Variants in SPDYE21 observed in about 807,000 individuals in gnomAD.
SPDYE21 encodes speedy/RINGO cell cycle regulator family member E21, also known as speedy protein E21.
A neutral mutation model predicts 36.2 loss-of-function variants in SPDYE21; 14 were observed. That is an observed-to-expected ratio of 0.39 (90% CI 0.26 to 0.61). SPDYE21 has a LOEUF of 0.61. Among genes scored for constraint, SPDYE21 ranks in the 20% least tolerant of loss-of-function variants. SPDYE21 has a pLI of 0.55. For synonymous variants in SPDYE21, 58 were observed against 155.1 expected (o/e 0.37, Z 4.65); for missense variants, 233 against 424.6 (o/e 0.55, Z 3.97).
In SPDYE21 at chr7:67,278,141, T is replaced by C. The variant is rs1802570296; in HGVS notation, c.-422-151T>C. 3.1e-5 allele frequency among the ~76,000 whole-genome samples: 3 copies of C among 97,070 alleles called. 1 individual carries two copies. Among genetic ancestry groups the C allele is most frequent in the Admixed American group, 3.1e-4 (3 of 9,750 alleles). 63.7% of individuals were successfully genotyped at this position (97,070 alleles called of 152,430 possible). A position where few individuals can be genotyped will look rare whatever the true frequency, so the allele number is the denominator to read the frequency against. ...GATCTCTTGTACATGATAATCTCAC[T>C]CTTGCACATGATAATCTCACTCTTG... On this transcript the variant is annotated intron_variant, in intron 1 of 8. Coordinates refer to ENST00000424157, the MANE Select transcript of SPDYE21 (RefSeq NM_001382715.2).
At chr7:67,285,319 G>A (rs1195524362) in intron 6 of SPDYE21, among the ~76,000 whole-genome samples, 3 of 152,088 alleles carry the variant, frequency 2.0e-5, no homozygotes, top group Admixed American at 6.6e-5. Context: ...GGGCTCAAGC[G>A]ATCCTCCCAC....
Position 67,286,359 on chromosome 7 carries a change from C to G in SPDYE21, c.1071C>G (p.Val357=), listed in dbSNP as rs1802734585. 1.9e-6 allele frequency: 3 copies of G among 1,613,906 alleles called. No homozygotes were observed. The highest frequency in any genetic ancestry group is 1.1e-5 in the South Asian group (1 of 91,068). Reference sequence around the variant, plus strand: ...CCAGGAAGAACCGCTCTCAGATAGTCCTGTTCCAGAAACTTCGGTTCCAGT... The same window carrying G: ...CCAGGAAGAACCGCTCTCAGATAGTGCTGTTCCAGAAACTTCGGTTCCAGT... ...PRARKNRSQI[V]LFQKLRFQFF... Residue 357 remains valine, a synonymous_variant, in exon 7 of 9, where the codon GTC becomes GTG. Coordinates refer to ENST00000424157, the MANE Select transcript of SPDYE21 (RefSeq NM_001382715.2).
At chr7:67,280,691 C>CA (rs1180256690) in intron 3 of SPDYE21, among the ~76,000 whole-genome samples, 1,676 of 15,042 alleles carry the variant, frequency 0.11, 707 homozygotes, top group Non-Finnish European at 0.14. Flanking sequence ...GAAGCTGTCT[C>CA]AAAAAAAAAA....
In SPDYE21 at chr7:67,286,596, C is replaced by T. The variant is rs904179121; in HGVS notation, c.1186C>T (p.Arg396Ter). Among the ~76,000 whole-genome samples the T allele has an allele frequency of 3.9e-5, 6 of 151,916 alleles. No homozygotes were observed. Among genetic ancestry groups the T allele is most frequent in the African/African-American group, 1.2e-4 (5 of 41,348 alleles). ...AYDPEHWVWA[R>*]DRAHLS ...TGACCCAGAGCACTGGGTGTGGGCA[C>T]GAGATCGCGCTCACCTTTCCTAGAG... The change falls in exon 8 of 9, where the codon CGA becomes TGA. Residue 396 changes from arginine to a stop codon, truncating the protein, a stop_gained. Transcript: ENST00000424157. LOFTEE classifies it high-confidence loss of function.
intron 6 of SPDYE21, among the ~76,000 whole-genome samples, chr7:67,284,883 T>G (rs1214137637): frequency 6.6e-6 from 1 of 150,762 alleles, no homozygotes; most frequent in East Asian, 1.9e-4. Context: ...AATTCTACCC[T>G]CTCTACAATC....
At position 67,286,350 on chromosome 7, in the gene SPDYE21, T is replaced by A; in HGVS notation, c.1062T>A (p.Ser354=). 6.2e-7 allele frequency: 1 copy of A among 1,613,872 alleles called. No individual in the cohort carries two copies. The highest frequency in any genetic ancestry group is 2.2e-5 in the East Asian group (1 of 44,870). The change falls in exon 7 of 9, where the codon TCT becomes TCA. Residue 354 remains serine (S), a synonymous_variant. Transcript: ENST00000424157. ...CMNPRARKNR[S]QIVLFQKLRF... Reference sequence around the variant, plus strand: ...ACCCGAGGGCCAGGAAGAACCGCTCTCAGATAGTCCTGTTCCAGAAACTTC... The same window carrying A: ...ACCCGAGGGCCAGGAAGAACCGCTCACAGATAGTCCTGTTCCAGAAACTTC...
chr7:67,280,691 C>CAAAAAAAAAAAA (rs1180256690), intron 3 of SPDYE21, among the ~76,000 whole-genome samples: 1 of 15,036 alleles, frequency 6.7e-5, no homozygotes, highest in Non-Finnish European at 1.1e-4. Context: ...GAAGCTGTCT[C>CAAAAAAAAAAAA]AAAAAAAAAA....
chr7:67,286,313 G>C lies in SPDYE21; in HGVS notation c.1025G>C (p.Arg342Pro). The C allele has an allele frequency of 1.2e-6, 2 of 1,600,854 alleles. No homozygotes were observed. The highest frequency in any genetic ancestry group is 1.7e-6 in the Non-Finnish European group (2 of 1,170,174). ...PLVRKRRFQL[R>P]RCMNPRARKN... ...GTCCGTAAGCGTCGGTTCCAGTTACGCCGTTGCATGAACCCGAGGGCCAGG... is the reference window on the plus strand; with the variant it reads ...GTCCGTAAGCGTCGGTTCCAGTTACCCCGTTGCATGAACCCGAGGGCCAGG... The change falls in exon 7 of 9, where the codon CGC becomes CCC. Residue 342 changes from arginine to proline, a missense_variant. Physicochemically the swap from Arg to Pro is moderately radical, Grantham distance 103. Around this residue, in one of 4 missense-constraint regions of SPDYE21, gnomAD observed 139 missense variants for 175.8 expected, o/e 0.79. Coordinates refer to ENST00000424157, the MANE Select transcript of SPDYE21 (RefSeq NM_001382715.2).
chr7:67,287,337 A>C (rs1802756949), intron 8 of SPDYE21, among the ~76,000 whole-genome samples, 181 bp from the exon 9 acceptor site: 1 of 152,186 alleles, frequency 6.6e-6, no homozygotes, highest in Non-Finnish European at 1.5e-5. Context: ...AGTCGTGGTC[A>C]CCAAAATGTG....
At chr7:67,283,579 G>C (rs1376988496) in intron 5 of SPDYE21, among the ~76,000 whole-genome samples, 2 of 151,972 alleles carry the variant, frequency 1.3e-5, no homozygotes, top group African/African-American at 4.8e-5. Flanking sequence ...TGAATCTCCT[G>C]GCCCCTCTAC....
chr7:67,284,183 A>G (rs1333196651), intron 6 of SPDYE21, among the ~76,000 whole-genome samples, 185 bp downstream of exon 6: 2 of 149,182 alleles, frequency 1.3e-5, no homozygotes, highest in East Asian at 4.1e-4. Context: ...GCACAGTGGC[A>G]TACGCCTGTA....
chr7:67,284,301 TAGCTGG>T (rs1802690593), intron 6 of SPDYE21, among the ~76,000 whole-genome samples: 1 of 151,578 alleles, frequency 6.6e-6, no homozygotes, highest in Non-Finnish European at 1.5e-5. Context: ...CTAGAAAAAT[TAGCTGG>T]GCGTGGTGGT....
At chr7:67,281,115 A>AG in intron 3 of SPDYE21, among the ~76,000 whole-genome samples, 1 of 145,736 alleles carries the variant, frequency 6.9e-6, no homozygotes, top group African/African-American at 2.5e-5. Flanking sequence ...AAAAAAAAAA[A>AG]AAAAAAAAAG....
Position 67,286,383 on chromosome 7 carries a change from GTTC to G in SPDYE21, c.1100_1102del (p.Phe367del), listed in dbSNP as rs1251339372. Among the ~76,000 whole-genome samples, 1 of 152,172 alleles carries G rather than the reference GTTC, an allele frequency of 6.6e-6. No homozygotes were observed. The highest frequency in any genetic ancestry group is 2.4e-5 in the African/African-American group (1 of 41,442). On this transcript the variant is annotated inframe_deletion, in exon 7 of 9. Transcript: ENST00000424157. ...TCCTGTTCCAGAAACTTCGGTTCCA[GTTC>G]TTCTGTTCCATGAGCGGCAGGGCTT...
chr7:67,282,530 C>G (rs1802657757), intron 4 of SPDYE21, 105 bp from the exon 5 acceptor site: 3 of 1,514,096 alleles, frequency 2.0e-6, no homozygotes, highest in Non-Finnish European at 2.7e-6. Context: ...CACCCGCGGC[C>G]ACAATCCTGA....
At position 67,288,401 on chromosome 7, in the gene SPDYE21, C is replaced by T. The variant is rs372165829; in HGVS notation, c.*929C>T. 0.3 allele frequency among the ~76,000 whole-genome samples: 42,654 copies of T among 143,550 alleles called. 4,397 individuals carry two copies. The highest frequency in any genetic ancestry group is 0.38 in the East Asian group (1,895 of 4,938). The allele number at this position is 143,550 out of a possible 152,430, so 94.2% of individuals were successfully genotyped here. A position where few individuals can be genotyped will look rare whatever the true frequency, so the allele number is the denominator to read the frequency against. ...TATATACTAACACGTCTAATATATA[C>T]TATCTATTTTATTGGTTTATTTTGA... On this transcript the variant is annotated 3_prime_UTR_variant, in exon 9 of 9. Coordinates refer to ENST00000424157, the MANE Select transcript of SPDYE21 (RefSeq NM_001382715.2).
intron 4 of SPDYE21, among the ~76,000 whole-genome samples, chr7:67,282,049 C>T (rs1371381547): frequency 6.6e-6 from 1 of 152,084 alleles, no homozygotes; most frequent in East Asian, 1.9e-4. Flanking sequence ...AGGAGAATCG[C>T]TTAAACCCGG....
At position 67,287,523 on chromosome 7, in the gene SPDYE21, C is replaced by A. The variant is rs1167377523; in HGVS notation, c.*51C>A. On this transcript the variant is annotated 3_prime_UTR_variant, in exon 9 of 9. Coordinates refer to ENST00000424157, the MANE Select transcript of SPDYE21 (RefSeq NM_001382715.2). ...ATTGTCTCTCTCACTTCCAGAACAC[C>A]GGACCCAGGGGAGATGTGGATTTTC... Among the ~76,000 whole-genome samples, 1 of 151,946 alleles carries A rather than the reference C, an allele frequency of 6.6e-6. No individual in the cohort carries two copies. The highest frequency in any genetic ancestry group is 2.1e-4 in the South Asian group (1 of 4,816).
chr7:67,283,739 A>G (rs1802681831), intron 5 of SPDYE21, among the ~76,000 whole-genome samples, 174 bp from the exon 6 acceptor site: 1 of 149,836 alleles, frequency 6.7e-6, no homozygotes, highest in Admixed American at 6.7e-5. Flanking sequence ...TCGGATTTGC[A>G]TCCGACCTTC....
Sources: allele counts gnomAD v4.1 joint callset (sites outside exome capture counted in the v4.1 genomes callset), GRCh38; gene constraint gnomAD v4.1.1; regional missense constraint gnomAD v4.1.1; transcripts MANE v1.5; gene names NCBI Gene and HGNC (gene_info 2026-07-23, HGNC 2026-07-21).